The following CTNNA3 variants were observed in gnomAD, a reference collection of about 807,000 sequenced individuals.
The protein encoded by CTNNA3 is catenin alpha-3.
In CTNNA3, 76 loss-of-function variants were observed where a neutral mutation model predicts 95.7. The observed-to-expected ratio is 0.79, with a 90% confidence interval of 0.66 to 0.96. The LOEUF is 0.96. CTNNA3 is among the 40% of genes least tolerant of loss of function. The pLI is 0.00. For missense variants in CTNNA3, 1,191 were observed against 1,089.8 expected (o/e 1.09, Z -1.31); for synonymous variants, 431 against 374.4 (o/e 1.15, Z -1.74).
rs534563968 is a variant in CTNNA3, at chr10:67,461,656, T to G, written c.579+60186A>C. On this transcript the variant is annotated intron_variant, in intron 5 of 17. Coordinates refer to ENST00000433211, the MANE Select transcript of CTNNA3 (RefSeq NM_013266.4). ...AAAATTTTGCCAAATAAAGAAATCA[T>G]AAGACATGAAGAAATCATAAAATCT... Among the ~76,000 whole-genome samples the G allele has an allele frequency of 1.6e-4, 24 of 152,310 alleles. No individual in the cohort carries two copies. In the South Asian group the frequency reaches 5.0e-3, roughly 32 times the overall value.
At chr10:66,967,454 A>C (rs1449406197) in intron 7 of CTNNA3, among the ~76,000 whole-genome samples, 1 of 151,964 alleles carries the variant, frequency 6.6e-6, no homozygotes, top group Non-Finnish European at 1.5e-5. Context: ...AATTACAATT[A>C]ATTAATCAAT....
At chr10:66,027,646 T>C (rs1198270625) in intron 15 of CTNNA3, among the ~76,000 whole-genome samples, 1 of 152,202 alleles carries the variant, frequency 6.6e-6, no homozygotes, top group African/African-American at 2.4e-5. Context: ...ACTTACCACT[T>C]TGTAATCTTG....
intron 7 of CTNNA3, among the ~76,000 whole-genome samples, chr10:66,871,562 C>CA (rs34018938): frequency 2.2e-3 from 212 of 96,328 alleles, no homozygotes; most frequent in African/African-American, 5.3e-3. Context: ...AACTCTGTCT[C>CA]AAAAAAAAAA....
At chr10:67,159,589 T>G (rs762960539) in intron 7 of CTNNA3, among the ~76,000 whole-genome samples, 3 of 152,184 alleles carry the variant, frequency 2.0e-5, no homozygotes, top group Non-Finnish European at 4.4e-5. Context: ...TCAACTAATC[T>G]TCAACAAGGG....
intron 11 of CTNNA3, among the ~76,000 whole-genome samples, chr10:66,388,027 T>G (rs556955882): frequency 6.6e-6 from 1 of 152,216 alleles, no homozygotes; most frequent in South Asian, 2.1e-4. Context: ...CAAACCAACA[T>G]GGCACATGTA....
intron 13 of CTNNA3, among the ~76,000 whole-genome samples, chr10:66,199,208 C>G (rs1362128881): frequency 6.6e-6 from 1 of 152,006 alleles, no homozygotes; most frequent in East Asian, 1.9e-4. Context: ...CTTACTAAAT[C>G]AGTTAGCATA....
intron 5 of CTNNA3, among the ~76,000 whole-genome samples, chr10:67,512,269 T>C (rs1839660828): frequency 6.6e-6 from 1 of 152,094 alleles, no homozygotes; most frequent in Non-Finnish European, 1.5e-5. Flanking sequence ...TGTAGAGAAA[T>C]GGGAACCTTG....
intron 3 of CTNNA3, among the ~76,000 whole-genome samples, chr10:67,559,247 G>A (rs1447472483): frequency 6.6e-6 from 1 of 152,146 alleles, no homozygotes; most frequent in African/African-American, 2.4e-5. Context: ...CCCCAGTAGG[G>A]GCAGACTGAC....
intron 7 of CTNNA3, among the ~76,000 whole-genome samples, chr10:67,027,506 C>T (rs1387717374): frequency 6.8e-6 from 1 of 146,056 alleles, no homozygotes; most frequent in African/African-American, 2.5e-5. Context: ...GTGATCTCGG[C>T]TCACTGCAAC....
intron 11 of CTNNA3, among the ~76,000 whole-genome samples, chr10:66,462,534 C>G (rs977665426): frequency 1.3e-5 from 2 of 152,024 alleles, no homozygotes; most frequent in Non-Finnish European, 2.9e-5. Flanking sequence ...ATCATTCTTT[C>G]CTCTCTTTAT....
intron 9 of CTNNA3, among the ~76,000 whole-genome samples, chr10:66,763,033 T>C (rs1396144802): frequency 6.6e-6 from 1 of 151,972 alleles, no homozygotes; most frequent in Non-Finnish European, 1.5e-5. Flanking sequence ...AACTTGGGAA[T>C]AAGATGAGTG....
intron 5 of CTNNA3, among the ~76,000 whole-genome samples, chr10:67,391,342 T>A (rs901860091): frequency 4.7e-5 from 7 of 150,150 alleles, no homozygotes; most frequent in Non-Finnish European, 9.0e-5. Flanking sequence ...GGAATCCAAC[T>A]TACAAGGGAT....
rs188627095 is a variant in CTNNA3, at chr10:67,650,966, C to A, written c.-5-3448G>T. On this transcript the variant is annotated intron_variant, in intron 1 of 17. Coordinates refer to ENST00000433211, the MANE Select transcript of CTNNA3 (RefSeq NM_013266.4). ...AACACATAACCACCACCCCCTCCCC[C>A]ACTGCCTCCCCACTCTTCACCACCC... Among the ~76,000 whole-genome samples the A allele has an allele frequency of 4.0e-4, 61 of 152,018 alleles. 1 individual carries two copies. Among genetic ancestry groups the A allele is most frequent in the African/African-American group, 1.4e-3 (58 of 41,480 alleles).
intron 5 of CTNNA3, among the ~76,000 whole-genome samples, chr10:67,328,759 G>A (rs1002086559): frequency 6.6e-6 from 1 of 152,184 alleles, no homozygotes; most frequent in African/African-American, 2.4e-5. Context: ...TGTGTTAGGA[G>A]TGTGTCAGTC....
intron 5 of CTNNA3, among the ~76,000 whole-genome samples, chr10:67,503,007 C>T (rs940814851): frequency 2.6e-5 from 4 of 152,210 alleles, no homozygotes; most frequent in Non-Finnish European, 5.9e-5. Flanking sequence ...CCAGTTGTCA[C>T]TGGGGTATGA....
chr10:66,786,779 C>A (rs1334301659), intron 7 of CTNNA3, among the ~76,000 whole-genome samples: 4 of 152,156 alleles, frequency 2.6e-5, no homozygotes, highest in Non-Finnish European at 5.9e-5. Context: ...GGGGAAAATA[C>A]AGTAGAAAGA....
At chr10:66,398,662 G>A (rs1193869769) in intron 11 of CTNNA3, among the ~76,000 whole-genome samples, 2 of 150,394 alleles carry the variant, frequency 1.3e-5, no homozygotes, top group Non-Finnish European at 3.0e-5. Context: ...ACATGAAACA[G>A]AACACTTTTT....
intron 7 of CTNNA3, among the ~76,000 whole-genome samples, chr10:67,023,687 G>A (rs73326985): frequency 0.01 from 1,588 of 152,196 alleles, 26 homozygotes; most frequent in African/African-American, 0.034. Context: ...AATATGTATC[G>A]ATCTATTTCA....
intron 15 of CTNNA3, among the ~76,000 whole-genome samples, chr10:66,060,478 A>C (rs1443177833): frequency 6.6e-6 from 1 of 152,052 alleles, no homozygotes; most frequent in Non-Finnish European, 1.5e-5. Flanking sequence ...TAGCACGGAG[A>C]GAATGGAATG....
Sources: gnomAD v4.1 joint callset for allele counts (sites outside exome capture counted in the v4.1 genomes callset) on GRCh38, gnomAD v4.1.1 for gene constraint, MANE v1.5 for transcripts, NCBI Gene and HGNC (gene_info 2026-07-23, HGNC 2026-07-21) for gene names.